Variants in KANK1 observed in about 807,000 individuals in gnomAD.
KANK1 encodes the protein KN motif and ankyrin repeat domains 1, also known as KN motif and ankyrin repeat domain-containing protein 1.
A neutral mutation model predicts 106.2 loss-of-function variants in KANK1; 109 were observed. The ratio of observed to expected loss-of-function variants is 1.03; its 90% CI spans 0.88 to 1.20. KANK1 has a LOEUF of 1.20. KANK1 is among the 50% of genes most tolerant of loss of function. The pLI is 0.00. For missense variants in KANK1, 2,399 were observed against 1,710.7 expected (o/e 1.40, Z -7.10); for synonymous variants, 873 against 652.2 (o/e 1.34, Z -5.16).
intron 2 of KANK1, chr9:686,930 G>A (rs925093253): frequency 6.1e-6 from 6 of 985,024 alleles, no homozygotes; most frequent in Non-Finnish European, 6.0e-6. Flanking sequence ...AGGTAAAGGG[G>A]GCTTAGGGCT....
intron 1 of KANK1, among the ~76,000 whole-genome samples, chr9:654,875 G>A (rs1841777050): frequency 6.6e-6 from 1 of 151,802 alleles, no homozygotes; most frequent in African/African-American, 2.4e-5. Flanking sequence ...AAAGAAATGT[G>A]GTTTTCTGCC....
Position 676,951 on chromosome 9 carries a change from CTCTCA to C in KANK1, c.-20_-16del. On this transcript the variant is annotated 5_prime_UTR_variant, in exon 2 of 12. Transcript: ENST00000382297. ...CATGACTCCTCACTCCTTTCTGGAT[CTCTCA>C]TTGGACTCAAGCCAGCATGGCTCAC... is the stretch of plus-strand genomic sequence containing the variant. 6.2e-7 allele frequency: 1 copy of C among 1,611,034 alleles called. No individual in the cohort carries two copies.
chr9:712,989 G>C lies in KANK1; in HGVS notation c.2223G>C (p.Leu741Phe). The part of the protein sequence containing the change: ...TKTRSIGVGT[L>F]LSGHSGFDRP... Reference sequence around the variant, plus strand: ...CGCGGTCCATTGGTGTTGGAACGTTGCTTTCTGGCCATTCTGGGTTTGACA... The same window carrying C: ...CGCGGTCCATTGGTGTTGGAACGTTCCTTTCTGGCCATTCTGGGTTTGACA... Residue 741 changes from leucine to phenylalanine, a missense_variant, in exon 3 of 12, where the codon TTG (leucine) becomes TTC (phenylalanine). Leu to Phe is a conservative substitution (Grantham distance 22). Coordinates refer to ENST00000382297, the MANE Select transcript of KANK1 (RefSeq NM_015158.5). The C allele has an allele frequency of 5.0e-6, 8 of 1,614,218 alleles. No homozygotes were observed. Among genetic ancestry groups the C allele is most frequent in the Non-Finnish European group, 5.9e-6 (7 of 1,180,044 alleles).
At chr9:667,872 C>T (rs1279966685) in intron 1 of KANK1, among the ~76,000 whole-genome samples, 2 of 151,804 alleles carry the variant, frequency 1.3e-5, no homozygotes, top group Non-Finnish European at 2.9e-5. Context: ...GCTGGGATTA[C>T]AGGTGTACAC....
chr9:612,680 C>T (rs1830852688), intron 1 of KANK1, among the ~76,000 whole-genome samples: 1 of 152,176 alleles, frequency 6.6e-6, no homozygotes, highest in Non-Finnish European at 1.5e-5. Flanking sequence ...AAAGCAGTCC[C>T]TTCAGCTGAA....
chr9:653,023 G>A (rs1279439650), intron 1 of KANK1, among the ~76,000 whole-genome samples: 2 of 152,186 alleles, frequency 1.3e-5, no homozygotes, highest in East Asian at 1.9e-4. Context: ...GCGCACAGCT[G>A]GGTCCTGTGA....
intron 1 of KANK1, among the ~76,000 whole-genome samples, chr9:548,216 A>C (rs1449310235): frequency 6.6e-6 from 1 of 152,244 alleles, no homozygotes; most frequent in Non-Finnish European, 1.5e-5. Context: ...TAGTATCAGC[A>C]GTCATTCTAA....
rs376130486 is a variant in KANK1, at chr9:712,274, A to C, written c.1508A>C (p.Lys503Thr). ...GCTGGATCGAGGAAAAAGGTTGACA[A>C]AGCCACGATGGCCCAGCCGCTTGTT... ...QAAGSRKKVD[K>T]ATMAQPLVFS... The change falls in exon 3 of 12, where the codon AAA becomes ACA. Residue 503 changes from lysine (K) to threonine (T), a missense_variant. By Grantham distance (78) the Lys-to-Thr change is moderately conservative. Transcript: ENST00000382297. The C allele has an allele frequency of 6.2e-7, 1 of 1,614,226 alleles. No individual in the cohort carries two copies. Among genetic ancestry groups the C allele is most frequent in the Admixed American group, 1.7e-5 (1 of 60,026 alleles).
At chr9:553,420 G>T (rs973614748) in intron 1 of KANK1, among the ~76,000 whole-genome samples, 1 of 152,062 alleles carries the variant, frequency 6.6e-6, no homozygotes, top group Non-Finnish European at 1.5e-5. Flanking sequence ...AAACATTTGG[G>T]GAAACTGAGG....
At chr9:566,631 C>T (rs1033911963) in intron 1 of KANK1, among the ~76,000 whole-genome samples, 1 of 152,140 alleles carries the variant, frequency 6.6e-6, no homozygotes, top group Admixed American at 6.5e-5. Flanking sequence ...TTTTTTTCCA[C>T]ATACTTGTTG....
At chr9:735,086 G>A (rs1833414783) in intron 7 of KANK1, among the ~76,000 whole-genome samples, 1 of 152,160 alleles carries the variant, frequency 6.6e-6, no homozygotes, top group Non-Finnish European at 1.5e-5. Context: ...GCATCTGTGA[G>A]GCGTACACTT....
intron 2 of KANK1, chr9:686,739 T>C (rs1218141984): frequency 1.0e-6 from 1 of 984,758 alleles, no homozygotes; most frequent in African/African-American, 1.7e-5. Flanking sequence ...GATTGTTACC[T>C]ATGAGCCTAT....
intron 1 of KANK1, among the ~76,000 whole-genome samples, chr9:521,406 C>G (rs1231892654): frequency 1.3e-5 from 2 of 151,498 alleles, no homozygotes; most frequent in African/African-American, 4.9e-5. Context: ...TGCACCAAGC[C>G]TCAGCTGGTG....
At chr9:575,281 A>G (rs1487740516) in intron 1 of KANK1, among the ~76,000 whole-genome samples, 1 of 152,262 alleles carries the variant, frequency 6.6e-6, no homozygotes, top group Non-Finnish European at 1.5e-5. Flanking sequence ...TAAAGCACAG[A>G]GAAAGTTAGT....
intron 1 of KANK1, among the ~76,000 whole-genome samples, chr9:572,140 A>G (rs796763822): frequency 1.4e-4 from 20 of 143,854 alleles, no homozygotes; most frequent in African/African-American, 5.1e-4. Flanking sequence ...TATGGTTGTA[A>G]TAAACAGTGA....
chr9:605,974 G>C (rs1236555437), intron 1 of KANK1, among the ~76,000 whole-genome samples: 1 of 151,618 alleles, frequency 6.6e-6, no homozygotes, highest in Non-Finnish European at 1.5e-5. Flanking sequence ...CATTAGAATA[G>C]GTGGTGATTA....
chr9:479,692 C>T (rs2058169053), intron 3 of KANK1, among the ~76,000 whole-genome samples: 1 of 152,214 alleles, frequency 6.6e-6, no homozygotes, highest in Non-Finnish European at 1.5e-5. Flanking sequence ...GTGAGGACTA[C>T]AGCTGAAGGA....
chr9:512,020 C>G (rs2132858312), intron 1 of KANK1, among the ~76,000 whole-genome samples: 1 of 144,344 alleles, frequency 6.9e-6, no homozygotes, highest in Middle Eastern at 3.4e-3. Flanking sequence ...GCTTTGCTCC[C>G]ATGACTATTG....
At chr9:699,156 C>A (rs959961015) in intron 2 of KANK1, among the ~76,000 whole-genome samples, 17 of 152,202 alleles carry the variant, frequency 1.1e-4, no homozygotes, top group African/African-American at 4.1e-4. Context: ...CCCTCCCTAC[C>A]CGTAGCCTAG....
Sources: gnomAD v4.1 joint callset for allele counts (sites outside exome capture counted in the v4.1 genomes callset) on GRCh38, gnomAD v4.1.1 for gene constraint, MANE v1.5 for transcripts, NCBI Gene and HGNC (gene_info 2026-07-23, HGNC 2026-07-21) for gene names.